MYO3A: variants seen among roughly 807,000 people sequenced by gnomAD.
MYO3A encodes myosin IIIA, also known as myosin-IIIa.
A neutral mutation model predicts 192.7 loss-of-function variants in MYO3A; 180 were observed. The ratio of observed to expected loss-of-function variants is 0.93; its 90% CI spans 0.83 to 1.06. The LOEUF is 1.06. Ranked by LOEUF, MYO3A falls within the 50% of genes least tolerant of loss-of-function variation. The probability of loss-of-function intolerance (pLI) is 0.00; values close to 1 mark genes in which losing one functional copy is unlikely to be tolerated. For missense variants in MYO3A, 1,896 were observed against 1,905.0 expected, an observed-to-expected ratio of 1.00 and a Z score of 0.09; for synonymous variants, 628 against 645.3, an observed-to-expected ratio of 0.97 and a Z score of 0.41.
chr10:26,009,579 C>T (rs1841487615), intron 6 of MYO3A, among the ~76,000 whole-genome samples: 2 of 152,086 alleles, frequency 1.3e-5, no homozygotes, highest in South Asian at 4.1e-4. Context: ...AGAGCAACCT[C>T]TGGAGTTTTT....
At chr10:26,120,845 T>C in intron 18 of MYO3A, 43 bp downstream of exon 18, 1 of 1,607,132 alleles carries the variant, frequency 6.2e-7, no homozygotes, top group Non-Finnish European at 8.5e-7. Context: ...ATCTTTCAAA[T>C]CTTATGACAT....
intron 17 of MYO3A, among the ~76,000 whole-genome samples, chr10:26,107,439 C>T (rs1837883111): frequency 6.7e-6 from 1 of 149,776 alleles, no homozygotes; most frequent in South Asian, 2.1e-4. Flanking sequence ...CAAGATCACA[C>T]CATTGCACTC....
intron 20 of MYO3A, among the ~76,000 whole-genome samples, chr10:26,130,134 T>C (rs1467785534): frequency 6.6e-6 from 1 of 151,922 alleles, no homozygotes; most frequent in Non-Finnish European, 1.5e-5. Flanking sequence ...AAACAGAGTC[T>C]CACTCTGTCA....
At chr10:26,060,968 A>G (rs1384098205) in intron 10 of MYO3A, among the ~76,000 whole-genome samples, 1 of 151,806 alleles carries the variant, frequency 6.6e-6, no homozygotes, top group Non-Finnish European at 1.5e-5. Flanking sequence ...TCACTCTGTC[A>G]CCCAGGCTGG....
At chr10:26,175,860 C>A (rs1842299294) in intron 30 of MYO3A, among the ~76,000 whole-genome samples, 1 of 152,168 alleles carries the variant, frequency 6.6e-6, no homozygotes, top group African/African-American at 2.4e-5. Context: ...TGGAACAAAG[C>A]TAGAGGCTGT....
chr10:26,017,426 TC>T (rs1246294395), intron 7 of MYO3A, among the ~76,000 whole-genome samples: 2 of 152,062 alleles, frequency 1.3e-5, no homozygotes, highest in East Asian at 1.9e-4. Flanking sequence ...AGTCATCTTC[TC>T]CCCCCATCAC....
intron 19 of MYO3A, among the ~76,000 whole-genome samples, chr10:26,127,897 C>A (rs180812278): frequency 2.0e-5 from 3 of 151,706 alleles, no homozygotes; most frequent in African/African-American, 7.3e-5. Context: ...AAATTATAAG[C>A]AAATGATCCA....
intron 6 of MYO3A, among the ~76,000 whole-genome samples, chr10:26,007,742 C>G (rs898249798): frequency 1.3e-5 from 2 of 150,682 alleles, no homozygotes; most frequent in East Asian, 3.9e-4. Context: ...AGGATACAAA[C>G]AAATGGAAGA....
chr10:26,074,339 A>G (rs1197036359), intron 14 of MYO3A, among the ~76,000 whole-genome samples: 13 of 152,026 alleles, frequency 8.6e-5, no homozygotes, highest in Non-Finnish European at 2.9e-5. Flanking sequence ...TTATACTGCC[A>G]TGAATGGATC....
rs772620795 is a variant in MYO3A at position 25,952,221 on chromosome 10, A to G, written c.111A>G (p.Lys37=). ...IGKGTYGKVF[K]VLNKKNGQKA... Reference sequence around the variant, plus strand: ...AAGGAACTTATGGGAAAGTTTTTAAAGTATTGAATAAGAAAAATGGCCAAA... The same window carrying G: ...AAGGAACTTATGGGAAAGTTTTTAAGGTATTGAATAAGAAAAATGGCCAAA... Residue 37 remains lysine, a synonymous_variant, in exon 3 of 35, where the codon AAA becomes AAG. Coordinates refer to ENST00000642920, the MANE Select transcript of MYO3A (RefSeq NM_017433.5). The G allele has an allele frequency of 6.2e-7, 1 of 1,612,972 alleles. No individual in the cohort carries two copies. The highest frequency in any genetic ancestry group is 1.1e-5 in the South Asian group (1 of 91,058).
Position 26,154,735 on chromosome 10 carries a change from G to A in MYO3A, c.2716-11G>A, listed in dbSNP as rs765468203. The A allele has an allele frequency of 9.9e-6, 16 of 1,611,718 alleles. No homozygotes were observed. Among genetic ancestry groups the A allele is most frequent in the Admixed American group, 1.7e-5 (1 of 59,948 alleles). On this transcript the variant is annotated splice_polypyrimidine_tract_variant and intron_variant, in intron 24 of 34. Coordinates refer to ENST00000642920, the MANE Select transcript of MYO3A (RefSeq NM_017433.5). The stretch of plus-strand genomic sequence containing the variant: ...ATACCAAGGCATCACTGTCTTCCTT[G>A]GTCTCCTTAGGGCGACACTGGAGAA...
chr10:26,072,885 C>T (rs1835298401), intron 14 of MYO3A, among the ~76,000 whole-genome samples: 1 of 152,046 alleles, frequency 6.6e-6, no homozygotes, highest in African/African-American at 2.4e-5. Flanking sequence ...GAAATGAAAA[C>T]CTATACAGAA....
At chr10:26,033,252 T>C (rs1842883721) in intron 10 of MYO3A, among the ~76,000 whole-genome samples, 1 of 152,082 alleles carries the variant, frequency 6.6e-6, no homozygotes, top group African/African-American at 2.4e-5. Context: ...TTTTGTATTT[T>C]GTTTTTTTAG....
intron 14 of MYO3A, among the ~76,000 whole-genome samples, chr10:26,078,579 A>G (rs528603795): frequency 9.2e-5 from 14 of 151,538 alleles, no homozygotes; most frequent in African/African-American, 3.1e-4. Flanking sequence ...TTGTTTCTCT[A>G]GTTCCTTGAG....
intron 4 of MYO3A, among the ~76,000 whole-genome samples, chr10:25,985,634 A>C (rs1839606782): frequency 6.6e-6 from 1 of 152,214 alleles, no homozygotes; most frequent in Admixed American, 6.5e-5. Flanking sequence ...ACCCTCCTAG[A>C]TAAAACCAGG....
At chr10:26,068,701 T>C (rs1443596709) in intron 11 of MYO3A, 67 bp from the exon 12 acceptor site, 1 of 1,063,302 alleles carries the variant, frequency 9.4e-7, no homozygotes, top group Non-Finnish European at 1.4e-6. Context: ...TATTATTGTT[T>C]ACTTTTTAAA....
intron 10 of MYO3A, among the ~76,000 whole-genome samples, chr10:26,040,180 T>C (rs1843266574): frequency 6.6e-6 from 1 of 152,098 alleles, no homozygotes; most frequent in Non-Finnish European, 1.5e-5. Context: ...CCTGTTTTTT[T>C]TTTTAAGTAC....
chr10:26,096,013 T>A (rs1032859956), intron 15 of MYO3A, among the ~76,000 whole-genome samples: 3 of 152,180 alleles, frequency 2.0e-5, no homozygotes, highest in Non-Finnish European at 4.4e-5. Context: ...GTAGCACTTG[T>A]AACCACTGGC....
intron 4 of MYO3A, among the ~76,000 whole-genome samples, chr10:25,965,481 C>G (rs1273750687): frequency 1.3e-5 from 2 of 151,996 alleles, no homozygotes; most frequent in Non-Finnish European, 2.9e-5. Flanking sequence ...TCTTTTGGAG[C>G]CTTGAGCTGT....
Sources: gnomAD v4.1 joint callset for allele counts (sites outside exome capture counted in the v4.1 genomes callset) on GRCh38, gnomAD v4.1.1 for gene constraint, MANE v1.5 for transcripts, NCBI Gene and HGNC (gene_info 2026-07-23, HGNC 2026-07-21) for gene names.